The following GPSM1 variants were observed in gnomAD, a reference collection of about 807,000 sequenced individuals.
GPSM1 encodes the protein G protein-signaling modulator 1.
In GPSM1, 48 loss-of-function variants were observed where a neutral mutation model predicts 70.5. The ratio of observed to expected loss-of-function variants is 0.68; its 90% CI spans 0.54 to 0.87. The LOEUF (loss-of-function observed/expected upper bound fraction) is 0.87, where lower values mean the gene tolerates loss of function less well. Among genes scored for constraint, GPSM1 ranks in the 40% least tolerant of loss-of-function variants. The pLI is 0.00. For missense variants in GPSM1, 981 were observed against 972.6 expected (o/e 1.01, Z -0.11); for synonymous variants, 416 against 430.1 (o/e 0.97, Z 0.41).
intron 6 of GPSM1, among the ~76,000 whole-genome samples, chr9:136,338,180 C>T (rs1296029049): frequency 1.3e-5 from 2 of 152,202 alleles, no homozygotes; most frequent in Admixed American, 1.3e-4. Flanking sequence ...GGGCCATCTG[C>T]CTCCTGGCCT....
intron 9 of GPSM1, among the ~76,000 whole-genome samples, chr9:136,344,566 C>T (rs189277930): frequency 6.8e-4 from 103 of 152,288 alleles, no homozygotes; most frequent in African/African-American, 2.2e-3. Flanking sequence ...TTATGGGGCT[C>T]CATTCTCATG....
At chr9:136,330,207 G>T (rs570967240) in intron 1 of GPSM1, among the ~76,000 whole-genome samples, 1 of 151,906 alleles carries the variant, frequency 6.6e-6, no homozygotes, top group Non-Finnish European at 1.5e-5. Context: ...GCTCCCCGGG[G>T]CTGGGGCCGG....
rs1426064527 is a variant in GPSM1 at position 136,338,746 on chromosome 9, C to A, written c.974+36C>A. On this transcript the variant is annotated intron_variant, in intron 7 of 13. Coordinates refer to ENST00000440944, the MANE Select transcript of GPSM1 (RefSeq NM_001145638.3). ...GCGGACGCGGCGGGCAGACCCGGCC[C>A]GGCCCACAGGCTGAATTACCGCGGC... 8 of 1,518,066 alleles carry A rather than the reference C, an allele frequency of 5.3e-6. No individual in the cohort carries two copies. The African/African-American group carries it at 8.3e-5, about 16-fold the overall frequency. 94.0% of individuals were successfully genotyped at this position (1,518,066 alleles called of 1,614,324 possible).
At chr9:136,330,704 G>T (rs1832079482) in intron 1 of GPSM1, among the ~76,000 whole-genome samples, 1 of 152,176 alleles carries the variant, frequency 6.6e-6, no homozygotes, top group African/African-American at 2.4e-5. Flanking sequence ...CCTTGGGGAG[G>T]GGCAGGTGCC....
At chr9:136,354,062 G>C (rs1554772563) in intron 11 of GPSM1, among the ~76,000 whole-genome samples, 1 of 152,164 alleles carries the variant, frequency 6.6e-6, no homozygotes, top group African/African-American at 2.4e-5. Flanking sequence ...GGGGAGAAGG[G>C]GGTGCTAGAA....
rs1201618607 is a variant in GPSM1 at position 136,342,017 on chromosome 9, G to A, written c.1207+1024G>A. 6.6e-6 allele frequency among the ~76,000 whole-genome samples: 1 copy of A among 152,132 alleles called. No homozygotes were observed. The highest frequency in any genetic ancestry group is 1.5e-5 in the Non-Finnish European group (1 of 68,020). ...CGATGACCTCTCCTGGGAAATTGGGGGTGCATGTCAGCCACCGCAGAGGCT... is the reference window on the plus strand; with the variant it reads ...CGATGACCTCTCCTGGGAAATTGGGAGTGCATGTCAGCCACCGCAGAGGCT... On this transcript the variant is annotated intron_variant, in intron 9 of 13. Transcript: ENST00000440944. This position sits in a 1 kb window ranked among gnomAD's most constrained non-coding sequence, Gnocchi z 5.5.
intron 9 of GPSM1, among the ~76,000 whole-genome samples, chr9:136,348,110 C>T (rs1554771529): frequency 6.6e-6 from 1 of 152,164 alleles, no homozygotes; most frequent in African/African-American, 2.4e-5. Flanking sequence ...GGTGGAGACA[C>T]GGCCAGTAGG....
rs782355819 is a variant in GPSM1, at chr9:136,338,682, C to A, written c.946C>A (p.Leu316Met). ...CGCGGCCGAGTACCACCTGCGGCACCTGCTCATTGCCCAGGAGCTGGCCGA... is the reference window on the plus strand; with the variant it reads ...CGCGGCCGAGTACCACCTGCGGCACATGCTCATTGCCCAGGAGCTGGCCGA... Reference protein sequence around the residue: ...ERAAEYHLRHLLIAQELADRV... With the variant: ...ERAAEYHLRHMLIAQELADRV... Residue 316 changes from leucine (L) to methionine (M), a missense_variant, in exon 7 of 14, where the codon CTG becomes ATG. By Grantham distance (15) the Leu-to-Met change is conservative. Transcript: ENST00000440944. 1.9e-6 allele frequency: 3 copies of A among 1,565,772 alleles called. No homozygotes were observed. The South Asian group carries it at 3.5e-5, about 18-fold the overall frequency.
chr9:136,334,909 G>A (rs1337134632), intron 2 of GPSM1, among the ~76,000 whole-genome samples: 2 of 152,162 alleles, frequency 1.3e-5, no homozygotes, highest in African/African-American at 2.4e-5. Flanking sequence ...GCAGGTGGAC[G>A]CTTCCTGTCC....
At position 136,341,171 on chromosome 9, in the gene GPSM1, G is replaced by T; in HGVS notation, c.1207+178G>T. 1.3e-6 allele frequency: 2 copies of T among 1,549,002 alleles called. No homozygotes were observed. The highest frequency in any genetic ancestry group is 1.7e-6 in the Non-Finnish European group (2 of 1,146,298). ...ACAGCACAGGCCTGAGGTTCACCCT[G>T]AGCCCTTCCCACCCGCATCCTGAGT... On this transcript the variant is annotated intron_variant, in intron 9 of 13. Transcript: ENST00000440944. This position sits in a 1 kb window ranked among gnomAD's most constrained non-coding sequence, Gnocchi z 6.7.
At chr9:136,329,940 G>A (rs1420764796) in intron 1 of GPSM1, among the ~76,000 whole-genome samples, 7 of 149,376 alleles carry the variant, frequency 4.7e-5, no homozygotes, top group Non-Finnish European at 8.9e-5. Context: ...TGGGTGCTGG[G>A]TCGGTGGGGA....
chr9:136,356,112 G>A (rs1390503922), intron 12 of GPSM1, among the ~76,000 whole-genome samples: 2 of 144,644 alleles, frequency 1.4e-5, no homozygotes, highest in African/African-American at 4.9e-5. Context: ...TTCTCCTCCT[G>A]TCTCCTCCTG....
chr9:136,336,442 A>G (rs538606549), intron 3 of GPSM1, among the ~76,000 whole-genome samples: 1 of 152,084 alleles, frequency 6.6e-6, no homozygotes, highest in East Asian at 1.9e-4. Flanking sequence ...CGGCAGTGGG[A>G]GGCCGATTTC....
chr9:136,349,617 G>A lies in GPSM1; in HGVS notation c.1309G>A (p.Asp437Asn), dbSNP rs1482162323. Residue 437 changes from aspartate to asparagine, a missense_variant, in exon 11 of 14, where the codon GAC becomes AAC. Asp to Asn is a conservative substitution (Grantham distance 23). Transcript: ENST00000440944. ...EQNGDSHHSG[D>N]WRGPSRDSLP... ...GAATGGAGACAGCCACCATTCAGGG[G>A]ACTGGCGGGGGCCCAGCAGGGACTC... The A allele has an allele frequency of 1.9e-4, 290 of 1,550,216 alleles. No homozygotes were observed. The highest frequency in any genetic ancestry group is 2.4e-4 in the Non-Finnish European group (271 of 1,146,812).
intron 1 of GPSM1, 51 bp downstream of exon 1, chr9:136,327,814 C>T: frequency 1.3e-6 from 1 of 767,168 alleles, no homozygotes; most frequent in Non-Finnish European, 1.7e-6. Context: ...CCGGACCGGG[C>T]CGGGTCGGGA....
Position 136,338,660 on chromosome 9 carries a change from G to A in GPSM1, c.924G>A (p.Ala308=), listed in dbSNP as rs138967283. 9.3e-4 allele frequency: 1,475 copies of A among 1,585,110 alleles called. 2 individuals carry two copies. The highest frequency in any genetic ancestry group is 1.3e-3 in the Admixed American group (69 of 54,976). ...CGCTGCTGCAGGACTACGAGCGCGC[G>A]GCCGAGTACCACCTGCGGCACCTGC... ...TYTLLQDYER[A]AEYHLRHLLI... Residue 308 remains alanine, a synonymous_variant, in exon 7 of 14, where the codon GCG becomes GCA. Transcript: ENST00000440944.
rs113380566 is a variant in GPSM1 at position 136,332,097 on chromosome 9, C to T, written c.69-2350C>T. The T allele has an allele frequency of 7.2e-3, 2,868 of 399,300 alleles. 52 individuals carry two copies. Among genetic ancestry groups the T allele is most frequent in the African/African-American group, 0.033 (1,585 of 48,748 alleles). The allele number at this position is 399,300 out of a possible 1,614,324, so 24.7% of individuals were successfully genotyped here. A position where few individuals can be genotyped will look rare whatever the true frequency, so the allele number is the denominator to read the frequency against. On this transcript the variant is annotated intron_variant, in intron 1 of 13. Transcript: ENST00000440944. ...GGTGGTGTATGGCGCCCCCCGCCCC[C>T]GCCCGCTGCTGCTGCCCGTGGGCCT...
At chr9:136,346,612 CAA>C (rs1409412644) in intron 9 of GPSM1, among the ~76,000 whole-genome samples, 1 of 152,210 alleles carries the variant, frequency 6.6e-6, no homozygotes, top group African/African-American at 2.4e-5. Context: ...TTTGGTGGCA[CAA>C]TGCTCAGACA....
chr9:136,349,736 C>T lies in GPSM1; in HGVS notation c.1428C>T (p.Ala476=), dbSNP rs557827037. 57 of 1,580,138 alleles carry T rather than the reference C, an allele frequency of 3.6e-5. No individual in the cohort carries two copies. The East Asian group carries it at 4.4e-4, about 12-fold the overall frequency. ...REGSHSPLDS[A]DVRVHVPRTS... ...GCAGCCACTCCCCGCTGGACAGCGCCGACGTCCGGGTGCACGTGCCACGCA... is the reference window on the plus strand; with the variant it reads ...GCAGCCACTCCCCGCTGGACAGCGCTGACGTCCGGGTGCACGTGCCACGCA... The change falls in exon 11 of 14, where the codon GCC becomes GCT. Residue 476 remains alanine, a synonymous_variant. Coordinates refer to ENST00000440944, the MANE Select transcript of GPSM1 (RefSeq NM_001145638.3).
Sources: gnomAD v4.1 joint callset for allele counts (sites outside exome capture counted in the v4.1 genomes callset) on GRCh38, gnomAD v4.1.1 for gene constraint, Gnocchi (gnomAD v3.1) non-coding constraint, MANE v1.5 for transcripts, NCBI Gene and HGNC (gene_info 2026-07-23, HGNC 2026-07-21) for gene names.